The following WBP1L variants were observed in gnomAD, a reference collection of about 807,000 sequenced individuals.
The protein encoded by WBP1L is WW domain binding protein 1 like.
Under a neutral mutation model 33.7 loss-of-function variants are expected in WBP1L, and 17 were observed. The observed-to-expected ratio is 0.50, with a 90% CI of 0.34 to 0.76. The LOEUF is 0.76. Ranked by LOEUF, WBP1L falls within the 30% of genes least tolerant of loss-of-function variation. The pLI is 0.01. For synonymous variants in WBP1L, 173 were observed against 190.8 expected, an observed-to-expected ratio of 0.91 and a Z score of 0.77; for missense variants, 389 against 469.4, an observed-to-expected ratio of 0.83 and a Z score of 1.58.
intron 1 of WBP1L, among the ~76,000 whole-genome samples, chr10:102,783,285 C>T (rs1258724277): frequency 2.0e-5 from 3 of 152,184 alleles, no homozygotes; most frequent in African/African-American, 7.2e-5. Flanking sequence ...TTCATTCTCG[C>T]ACTGGTCATG....
At chr10:102,805,927 A>C (rs1843726676) in intron 2 of WBP1L, among the ~76,000 whole-genome samples, 2 of 141,842 alleles carry the variant, frequency 1.4e-5, no homozygotes, top group Admixed American at 1.4e-4. Context: ...TTGGCCTGGC[A>C]CGGTGGCTCA....
intron 1 of WBP1L, among the ~76,000 whole-genome samples, chr10:102,795,309 A>G (rs1287361093): frequency 6.6e-6 from 1 of 152,214 alleles, no homozygotes; most frequent in Non-Finnish European, 1.5e-5. Context: ...TTGACTGACG[A>G]TATTTTCAAT....
chr10:102,749,036 C>A (rs531044660), intron 1 of WBP1L, among the ~76,000 whole-genome samples: 1 of 151,756 alleles, frequency 6.6e-6, no homozygotes, highest in Non-Finnish European at 1.5e-5. Context: ...GGGGGAGGCT[C>A]GAAAGAGAGG....
chr10:102,783,637 C>T (rs962639514), intron 1 of WBP1L, among the ~76,000 whole-genome samples: 1 of 152,214 alleles, frequency 6.6e-6, no homozygotes, highest in Non-Finnish European at 1.5e-5. Flanking sequence ...GCCCTTCCCC[C>T]ATAGGGGATA....
intron 1 of WBP1L, among the ~76,000 whole-genome samples, chr10:102,793,169 G>T (rs182881387): frequency 5.9e-5 from 9 of 152,334 alleles, no homozygotes; most frequent in South Asian, 2.1e-4. Context: ...AGCTAGGTGT[G>T]GTGGCTCATG....
At chr10:102,775,484 A>G (rs1270629311) in intron 1 of WBP1L, among the ~76,000 whole-genome samples, 1 of 152,202 alleles carries the variant, frequency 6.6e-6, no homozygotes, top group Non-Finnish European at 1.5e-5. Flanking sequence ...TGGTTTAAAT[A>G]TAGATGATCT....
chr10:102,812,561 G>C, intron 3 of WBP1L, 34 bp from the exon 4 acceptor site: 5 of 1,544,560 alleles, frequency 3.2e-6, no homozygotes, highest in Non-Finnish European at 4.4e-6. Flanking sequence ...AATGACCAGT[G>C]CAGTAATTTC....
rs571742456 is a variant in WBP1L, at chr10:102,772,608, C to T, written c.91-25385C>T. Among the ~76,000 whole-genome samples the T allele has an allele frequency of 1.2e-4, 13 of 110,756 alleles. No individual in the cohort carries two copies. The South Asian group carries it at 2.3e-3, about 19-fold the overall frequency. The allele number at this position is 110,756 out of a possible 152,430, so 72.7% of individuals were successfully genotyped here. A position where few individuals can be genotyped will look rare whatever the true frequency, so the allele number is the denominator to read the frequency against. Reference sequence around the variant, plus strand: ...TTTTTGAGACAGAGTCTCGTTCTGTCGCTCAGGCTGGAGTGCAGTGGTGTG... The same window carrying T: ...TTTTTGAGACAGAGTCTCGTTCTGTTGCTCAGGCTGGAGTGCAGTGGTGTG... On this transcript the variant is annotated intron_variant, in intron 1 of 3. Transcript: ENST00000448841.
In WBP1L at chr10:102,792,705, C is replaced by G. The variant is rs555332624; in HGVS notation, c.91-5288C>G. ...CACCTCCCGGGTTCAAGCGATTCTT[C>G]TGCCTCAGGCTCCCAAGTAGCTGGG... On this transcript the variant is annotated intron_variant, in intron 1 of 3. Coordinates refer to ENST00000448841, the MANE Select transcript of WBP1L (RefSeq NM_001083913.2). Among the ~76,000 whole-genome samples the G allele has an allele frequency of 2.7e-5, 4 of 148,302 alleles. No individual in the cohort carries two copies. In the South Asian group the frequency reaches 8.5e-4, roughly 32 times the overall value.
chr10:102,801,845 TTCTC>T (rs919410829), intron 2 of WBP1L, among the ~76,000 whole-genome samples: 2 of 150,940 alleles, frequency 1.3e-5, no homozygotes, highest in Admixed American at 6.6e-5. Flanking sequence ...CTTTTTTTCT[TTCTC>T]TCTCTCTTTC....
chr10:102,799,521 G>T (rs1843621632), intron 2 of WBP1L, among the ~76,000 whole-genome samples: 2 of 152,116 alleles, frequency 1.3e-5, no homozygotes, highest in African/African-American at 4.8e-5. Flanking sequence ...GACAGTGTAG[G>T]ATGCTGGACA....
chr10:102,761,257 A>G (rs760292924), intron 1 of WBP1L, among the ~76,000 whole-genome samples: 16 of 150,682 alleles, frequency 1.1e-4, no homozygotes, highest in Non-Finnish European at 1.3e-4. Context: ...CTCCTGCCTC[A>G]GCCTCTCAAG....
intron 3 of WBP1L, 37 bp downstream of exon 3, chr10:102,810,091 G>A: frequency 6.3e-7 from 1 of 1,577,262 alleles, no homozygotes; most frequent in Non-Finnish European, 8.6e-7. Context: ...ACCCTCAGGA[G>A]CTCAGGTGCA....
chr10:102,771,861 AC>A (rs1467268205), intron 1 of WBP1L, among the ~76,000 whole-genome samples: 1 of 152,090 alleles, frequency 6.6e-6, no homozygotes, highest in African/African-American at 2.4e-5. Context: ...TTCCAGCAGT[AC>A]TATCTCTGGG....
intron 1 of WBP1L, among the ~76,000 whole-genome samples, chr10:102,792,959 C>G (rs1264658187): frequency 6.6e-6 from 1 of 152,172 alleles, no homozygotes; most frequent in Non-Finnish European, 1.5e-5. Flanking sequence ...AGAAGCTGTT[C>G]TGGACCTTCT....
At chr10:102,788,228 A>G (rs1321505606) in intron 1 of WBP1L, among the ~76,000 whole-genome samples, 2 of 149,472 alleles carry the variant, frequency 1.3e-5, no homozygotes, top group Non-Finnish European at 3.0e-5. Context: ...TCCTGGGTTC[A>G]TGCCATTCTC....
At chr10:102,782,579 T>C (rs1391773725) in intron 1 of WBP1L, among the ~76,000 whole-genome samples, 4 of 152,196 alleles carry the variant, frequency 2.6e-5, no homozygotes, top group Admixed American at 1.3e-4. Flanking sequence ...TTGACTCTTA[T>C]TTCTTGCTAA....
At chr10:102,800,341 T>G (rs1412634938) in intron 2 of WBP1L, among the ~76,000 whole-genome samples, 1 of 152,172 alleles carries the variant, frequency 6.6e-6, no homozygotes, top group East Asian at 1.9e-4. Context: ...CAGAGCCTCC[T>G]GGGCTTTTGG....
chr10:102,744,239 G>A, intron 1 of WBP1L, 96 bp downstream of exon 1: 1 of 1,358,404 alleles, frequency 7.4e-7, no homozygotes. Flanking sequence ...AAGAGTTGAG[G>A]GGTCCCGAGA....
Sources: allele counts gnomAD v4.1 joint callset (sites outside exome capture counted in the v4.1 genomes callset), GRCh38; gene constraint gnomAD v4.1.1; transcripts MANE v1.5; gene names NCBI Gene and HGNC (gene_info 2026-07-23, HGNC 2026-07-21).